The following TNIK variants were observed in gnomAD, a reference collection of about 807,000 sequenced individuals.
The protein encoded by TNIK is TRAF2 and NCK interacting kinase, also known as TRAF2 and NCK-interacting protein kinase.
TNIK carries 49 observed loss-of-function variants against 191.3 expected under a neutral mutation model. The ratio of observed to expected loss-of-function variants is 0.26; its 90% confidence interval spans 0.20 to 0.32. The LOEUF (loss-of-function observed/expected upper bound fraction) is 0.32. TNIK is among the 10% of genes least tolerant of loss of function. The probability of loss-of-function intolerance (pLI) is 1.00; values close to 1 mark genes in which losing one functional copy is unlikely to be tolerated. For missense variants in TNIK, 1,155 were observed against 1,702.3 expected (o/e 0.68, Z 5.66); for synonymous variants, 594 against 600.9 (o/e 0.99, Z 0.17).
In TNIK at chr3:171,138,323, C is replaced by T; in HGVS notation, c.1476G>A (p.Gln492=). The change falls in exon 15 of 33, where the codon CAG becomes CAA. Residue 492 remains glutamine (Q), a synonymous_variant. Transcript: ENST00000436636. ...CTAAGTAGTCTCTTTCTTGCTTTAGCTGCCTCTGCAGTCTTTCTGCTTGTC... is the reference window on the plus strand; with the variant it reads ...CTAAGTAGTCTCTTTCTTGCTTTAGTTGCCTCTGCAGTCTTTCTGCTTGTC... ...EQRQAERLQR[Q]LKQERDYLVS... 1 of 1,612,812 alleles carries T rather than the reference C, an allele frequency of 6.2e-7. No homozygotes were observed. The highest frequency in any genetic ancestry group is 8.5e-7 in the Non-Finnish European group (1 of 1,179,480).
chr3:171,265,050 C>T (rs1172359770), intron 2 of TNIK, among the ~76,000 whole-genome samples: 1 of 152,122 alleles, frequency 6.6e-6, no homozygotes, highest in Admixed American at 6.5e-5. Context: ...GCATGGCACA[C>T]AAAATGAGTG....
rs1280238520 is a variant in TNIK at position 171,358,450 on chromosome 3, A to G, written c.123+11170T>C. 1.2e-4 allele frequency among the ~76,000 whole-genome samples: 19 copies of G among 152,186 alleles called. 1 individual carries two copies. Among genetic ancestry groups the G allele is most frequent in the Admixed American group, 1.2e-3 (19 of 15,276 alleles). ...TCAGGTCTCTTGAGAGTTATTCACT[A>G]CACGAGAACAGTATGAGGGAAACTG... On this transcript the variant is annotated intron_variant, in intron 2 of 32. Transcript: ENST00000436636.
chr3:171,255,917 G>T (rs750865110), intron 2 of TNIK, among the ~76,000 whole-genome samples: 22 of 152,158 alleles, frequency 1.4e-4, no homozygotes, highest in Non-Finnish European at 2.6e-4. Flanking sequence ...TTGATTGTGG[G>T]TATGGCTTAG....
chr3:171,354,190 T>A (rs1040860673), intron 2 of TNIK, among the ~76,000 whole-genome samples: 2 of 152,172 alleles, frequency 1.3e-5, no homozygotes, highest in Non-Finnish European at 2.9e-5. Context: ...TGTATAGCTA[T>A]CCTTGTTTTA....
At chr3:171,312,700 G>A (rs1001751525) in intron 2 of TNIK, among the ~76,000 whole-genome samples, 3 of 151,918 alleles carry the variant, frequency 2.0e-5, no homozygotes, top group Non-Finnish European at 4.4e-5. Context: ...TTCATCTATG[G>A]TGCTGAAACT....
In TNIK at chr3:171,410,001, C is replaced by T. The variant is rs541970572; in HGVS notation, c.58-40316G>A. 1.8e-4 allele frequency among the ~76,000 whole-genome samples: 28 copies of T among 151,974 alleles called. 1 individual carries two copies. Among genetic ancestry groups the T allele is most frequent in the Admixed American group, 1.8e-3 (27 of 15,262 alleles). On this transcript the variant is annotated intron_variant, in intron 1 of 32. Transcript: ENST00000436636. ...CAGAGAAAGGGAAATTTATATTCAC[C>T]ACAATTTTGTACAAACAAGCAAGGC...
At chr3:171,190,926 C>A in intron 5 of TNIK, 139 bp from the exon 6 acceptor site, 1 of 588,452 alleles carries the variant, frequency 1.7e-6, no homozygotes, top group Non-Finnish European at 3.0e-6. Flanking sequence ...CTTTCATGTG[C>A]TCATAGTGCT....
At chr3:171,131,360 AAAAAAAAAAAAAAAG>A (rs1158537051) in intron 15 of TNIK, among the ~76,000 whole-genome samples, 2 of 148,378 alleles carry the variant, frequency 1.3e-5, no homozygotes, top group East Asian at 3.9e-4. Flanking sequence ...AAAAAAAAAA[AAAAAAAAAAAAAAAG>A]AAATGAACAG....
Position 171,159,983 on chromosome 3 carries a change from C to T in TNIK, c.1016+1287G>A, listed in dbSNP as rs189435800. Among the ~76,000 whole-genome samples the T allele has an allele frequency of 2.9e-3, 443 of 152,344 alleles. No homozygotes were observed. The highest frequency in any genetic ancestry group is 5.2e-3 in the Non-Finnish European group (355 of 68,036). On this transcript the variant is annotated intron_variant, in intron 11 of 32. Transcript: ENST00000436636. This position sits in a 1 kb window ranked among gnomAD's most constrained non-coding sequence, Gnocchi z 4.1. ...CAAGTGTTAGAAAGACAGGGTTTCT[C>T]AGTTCTACAGAAAGTGGTCAGAAGG... is the stretch of plus-strand genomic sequence containing the variant.
intron 2 of TNIK, among the ~76,000 whole-genome samples, chr3:171,322,662 A>G (rs1383496214): frequency 6.6e-6 from 1 of 152,134 alleles, no homozygotes; most frequent in Non-Finnish European, 1.5e-5. Context: ...AGGCAAACAT[A>G]CAGAAAAACA....
chr3:171,156,006 C>T (rs1733121776), intron 12 of TNIK, among the ~76,000 whole-genome samples: 3 of 152,172 alleles, frequency 2.0e-5, no homozygotes, highest in Admixed American at 6.5e-5. Context: ...TGAGACAATT[C>T]GTGTAAAGTA....
At chr3:171,344,242 C>G (rs891087651) in intron 2 of TNIK, among the ~76,000 whole-genome samples, 1 of 152,122 alleles carries the variant, frequency 6.6e-6, no homozygotes, top group Non-Finnish European at 1.5e-5. Context: ...CCTCAGTGGG[C>G]AATTCTGGTT....
chr3:171,380,812 A>G (rs1233347779), intron 1 of TNIK, among the ~76,000 whole-genome samples: 2 of 152,256 alleles, frequency 1.3e-5, no homozygotes, highest in Admixed American at 6.5e-5. Flanking sequence ...GAGTAGGGAA[A>G]TATTGGCTGG....
intron 1 of TNIK, among the ~76,000 whole-genome samples, chr3:171,377,640 C>T (rs1319540661): frequency 2.0e-5 from 3 of 152,124 alleles, no homozygotes; most frequent in East Asian, 1.9e-4. Context: ...AAAACTAAGG[C>T]GTCAAGGAAT....
At chr3:171,430,088 A>G (rs1375485493) in intron 1 of TNIK, among the ~76,000 whole-genome samples, 1 of 152,190 alleles carries the variant, frequency 6.6e-6, no homozygotes, top group Non-Finnish European at 1.5e-5. Flanking sequence ...TATGCACGCT[A>G]AAGTTTAAAA....
chr3:171,442,519 A>G lies in TNIK; in HGVS notation c.57+17488T>C, dbSNP rs572298982. 7.9e-5 allele frequency among the ~76,000 whole-genome samples: 12 copies of G among 152,348 alleles called. No individual in the cohort carries two copies. In the East Asian group the frequency reaches 1.9e-3, roughly 24 times the overall value. On this transcript the variant is annotated intron_variant, in intron 1 of 32. Coordinates refer to ENST00000436636, the MANE Select transcript of TNIK (RefSeq NM_015028.4). The stretch of plus-strand genomic sequence containing the variant: ...TTTCAATCTAGAAAGCAAACCCTGT[A>G]TCTGGGGCTCGGATCTCTGTATCTC...
At chr3:171,362,168 G>A (rs1041522680) in intron 2 of TNIK, among the ~76,000 whole-genome samples, 1 of 152,164 alleles carries the variant, frequency 6.6e-6, no homozygotes, top group Admixed American at 6.5e-5. Context: ...TGCTGCAACT[G>A]ATTCCTGTTT....
chr3:171,149,903 C>T (rs1204029448), intron 12 of TNIK, among the ~76,000 whole-genome samples: 2 of 152,192 alleles, frequency 1.3e-5, no homozygotes, highest in Non-Finnish European at 2.9e-5. Flanking sequence ...CACTGGGACA[C>T]CTGTGGTTAA....
At chr3:171,211,414 C>T (rs552012810) in intron 3 of TNIK, among the ~76,000 whole-genome samples, 173 bp from the exon 4 acceptor site, 16 of 152,076 alleles carry the variant, frequency 1.1e-4, no homozygotes, top group Non-Finnish European at 1.8e-4. Flanking sequence ...ATTGGCTGTC[C>T]AAGAGACTCT....
Sources: allele counts gnomAD v4.1 joint callset (sites outside exome capture counted in the v4.1 genomes callset), GRCh38; gene constraint gnomAD v4.1.1; non-coding constraint Gnocchi (gnomAD v3.1); transcripts MANE v1.5; gene names NCBI Gene and HGNC (gene_info 2026-07-23, HGNC 2026-07-21).